Variants in MICU1 observed in about 807,000 individuals in gnomAD.
MICU1 encodes the protein calcium uptake protein 1, mitochondrial.
MICU1 carries 45 observed loss-of-function variants against 56.8 expected under a neutral mutation model. The observed-to-expected ratio is 0.79, with a 90% CI of 0.62 to 1.02. The LOEUF is 1.02. MICU1 is among the 50% of genes least tolerant of loss of function. The pLI is 0.00. For synonymous variants in MICU1, 186 were observed against 195.1 expected (o/e 0.95, Z 0.39); for missense variants, 504 against 587.1 (o/e 0.86, Z 1.46).
intron 10 of MICU1, among the ~76,000 whole-genome samples, chr10:72,398,001 C>T (rs1316665994): frequency 6.6e-6 from 1 of 152,196 alleles, no homozygotes; most frequent in East Asian, 1.9e-4. Context: ...CACCACATCA[C>T]ACTTATTCTA....
intron 8 of MICU1, among the ~76,000 whole-genome samples, chr10:72,471,388 A>G (rs1431610831): frequency 6.6e-6 from 1 of 152,064 alleles, no homozygotes; most frequent in Admixed American, 6.6e-5. Context: ...CCGGCCTTCT[A>G]CGCAGTATGT....
intron 10 of MICU1, among the ~76,000 whole-genome samples, chr10:72,407,136 T>C (rs1383177331): frequency 1.3e-5 from 2 of 152,230 alleles, no homozygotes; most frequent in African/African-American, 2.4e-5. Flanking sequence ...GGGCAAAAAC[T>C]GTGAAGGGGA....
At chr10:72,435,879 C>T (rs572838344) in intron 8 of MICU1, among the ~76,000 whole-genome samples, 4 of 152,152 alleles carry the variant, frequency 2.6e-5, no homozygotes, top group Admixed American at 1.3e-4. Flanking sequence ...GTAAACAAAG[C>T]GGTCGGGAAG....
chr10:72,448,139 G>GTGTC (rs1865168234), intron 8 of MICU1, among the ~76,000 whole-genome samples: 5 of 132,998 alleles, frequency 3.8e-5, no homozygotes, highest in African/African-American at 1.4e-4. Context: ...GTGTGTGTGT[G>GTGTC]TGTGTGTGTG....
intron 6 of MICU1, among the ~76,000 whole-genome samples, chr10:72,500,302 ATTTTTTTTTTTTT>A (rs542725786): frequency 7.5e-4 from 8 of 10,678 alleles, no homozygotes; most frequent in Admixed American, 1.9e-3. Context: ...ATATATATAT[ATTTTTTTTTTTTT>A]TTTTTTTTTT....
chr10:72,562,830 G>T, intron 3 of MICU1, 65 bp downstream of exon 3: 2 of 1,282,502 alleles, frequency 1.6e-6, no homozygotes, highest in Non-Finnish European at 2.1e-6. Context: ...TGATTAAAAA[G>T]ATTGAACTGC....
At chr10:72,537,353 T>C (rs1839663069) in intron 4 of MICU1, among the ~76,000 whole-genome samples, 1 of 152,164 alleles carries the variant, frequency 6.6e-6, no homozygotes, top group East Asian at 1.9e-4. Context: ...TAGGCCCAAT[T>C]ACTGGGGGCA....
At chr10:72,402,779 G>A (rs1378559231) in intron 10 of MICU1, among the ~76,000 whole-genome samples, 2 of 152,170 alleles carry the variant, frequency 1.3e-5, no homozygotes, top group African/African-American at 4.8e-5. Context: ...CGGCATGGTG[G>A]CTGATGCCTG....
At chr10:72,460,886 G>A (rs961236230) in intron 8 of MICU1, among the ~76,000 whole-genome samples, 1 of 152,048 alleles carries the variant, frequency 6.6e-6, no homozygotes, top group Non-Finnish European at 1.5e-5. Flanking sequence ...CAGTCATCAT[G>A]AGCAATAATC....
chr10:72,407,009 A>G (rs906662406), intron 10 of MICU1, among the ~76,000 whole-genome samples: 33 of 152,226 alleles, frequency 2.2e-4, no homozygotes, highest in African/African-American at 7.7e-4. Flanking sequence ...AAAAACATTG[A>G]GTGAAACCTT....
intron 9 of MICU1, among the ~76,000 whole-genome samples, chr10:72,420,159 A>G (rs1325543496): frequency 6.6e-6 from 1 of 152,080 alleles, no homozygotes; most frequent in Non-Finnish European, 1.5e-5. Context: ...TCCTGGGTTC[A>G]AGCCATTCTC....
chr10:72,479,613 C>T (rs1037773233), intron 6 of MICU1, among the ~76,000 whole-genome samples: 1 of 152,204 alleles, frequency 6.6e-6, no homozygotes, highest in Non-Finnish European at 1.5e-5. Context: ...AATGCAACCT[C>T]AGACTTCTGG....
chr10:72,395,002 A>G (rs1227357240), intron 10 of MICU1, among the ~76,000 whole-genome samples: 2 of 151,926 alleles, frequency 1.3e-5, no homozygotes, highest in Non-Finnish European at 2.9e-5. Context: ...AACATGGTGA[A>G]ACCCCATCTC....
intron 1 of MICU1, among the ~76,000 whole-genome samples, chr10:72,604,312 T>C (rs562422251): frequency 6.9e-6 from 1 of 145,952 alleles, no homozygotes; most frequent in South Asian, 2.2e-4. Flanking sequence ...TTGCTCTTAT[T>C]GTCCAGGCTG....
chr10:72,463,947 T>A (rs1029005491), intron 8 of MICU1, among the ~76,000 whole-genome samples: 3 of 152,198 alleles, frequency 2.0e-5, no homozygotes, highest in African/African-American at 7.2e-5. Context: ...TTTCTATGCT[T>A]AGATATGTTT....
At chr10:72,486,855 G>T (rs7908177) in intron 6 of MICU1, among the ~76,000 whole-genome samples, 87,568 of 151,904 alleles carry the variant, frequency 0.58, 26,064 homozygotes, top group Non-Finnish European at 0.67. Flanking sequence ...ACCTATGCGT[G>T]GATTTAAAAA....
In MICU1 at chr10:72,403,631, G is replaced by T. The variant is rs1028776798; in HGVS notation, c.1180+4298C>A. ...GTAAAAAATATTACATACCAAAATT[G>T]TGTGTGTGTGTGTGTGTGTGTGTGT... On this transcript the variant is annotated intron_variant, in intron 10 of 11. Transcript: ENST00000361114. 2.6e-5 allele frequency among the ~76,000 whole-genome samples: 3 copies of T among 115,320 alleles called. No homozygotes were observed. The East Asian group carries it at 6.9e-4, about 26-fold the overall frequency. The allele number at this position is 115,320 out of a possible 152,430, so 75.7% of individuals were successfully genotyped here. A position where few individuals can be genotyped will look rare whatever the true frequency, so the allele number is the denominator to read the frequency against.
intron 3 of MICU1, 35 bp downstream of exon 3, chr10:72,562,860 T>A: frequency 6.7e-7 from 1 of 1,493,142 alleles, no homozygotes; most frequent in Non-Finnish European, 8.9e-7. Flanking sequence ...CTTTAAGATA[T>A]ACTTCTGATC....
chr10:72,448,998 T>C, intron 8 of MICU1, among the ~76,000 whole-genome samples: 1 of 152,086 alleles, frequency 6.6e-6, no homozygotes, highest in African/African-American at 2.4e-5. Flanking sequence ...GCAGTGGTGT[T>C]ATCATGGCTC....
Sources: gnomAD v4.1 joint callset for allele counts (sites outside exome capture counted in the v4.1 genomes callset) on GRCh38, gnomAD v4.1.1 for gene constraint, MANE v1.5 for transcripts, NCBI Gene and HGNC (gene_info 2026-07-23, HGNC 2026-07-21) for gene names.